ZNF385B: variants seen among roughly 807,000 people sequenced by gnomAD.
ZNF385B encodes zinc finger protein 385B.
ZNF385B carries 23 observed loss-of-function variants against 39.2 expected under a neutral mutation model. The observed-to-expected ratio is 0.59, with a 90% CI of 0.42 to 0.83. ZNF385B has a LOEUF of 0.83. ZNF385B is among the 40% of genes least tolerant of loss of function. ZNF385B has a pLI of 0.00. For synonymous variants in ZNF385B, 205 were observed against 222.6 expected (o/e 0.92, Z 0.70); for missense variants, 552 against 598.9 (o/e 0.92, Z 0.82).
At chr2:179,745,658 T>C in intron 3 of ZNF385B, 5 of 1,441,834 alleles carry the variant, frequency 3.5e-6, no homozygotes, top group Non-Finnish European at 4.7e-6. Flanking sequence ...TACAAAAGAA[T>C]CTGTTACTGA....
intron 6 of ZNF385B, among the ~76,000 whole-genome samples, chr2:179,472,893 T>C (rs938106793): frequency 6.6e-6 from 1 of 152,136 alleles, no homozygotes; most frequent in African/African-American, 2.4e-5. Context: ...ACTATGGCTG[T>C]ACATACAGCA....
At chr2:179,499,116 C>T (rs1048447177) in intron 5 of ZNF385B, among the ~76,000 whole-genome samples, 2 of 151,744 alleles carry the variant, frequency 1.3e-5, no homozygotes, top group African/African-American at 4.8e-5. Context: ...AATGTTGAAC[C>T]AGGAAAAAAT....
chr2:179,799,035 A>G (rs971320971), intron 1 of ZNF385B, among the ~76,000 whole-genome samples: 4 of 151,848 alleles, frequency 2.6e-5, no homozygotes, highest in Non-Finnish European at 5.9e-5. Context: ...TAATCAACAC[A>G]CTCCCATTTC....
At chr2:179,700,784 C>T (rs1173195191) in intron 3 of ZNF385B, among the ~76,000 whole-genome samples, 1 of 152,140 alleles carries the variant, frequency 6.6e-6, no homozygotes, top group African/African-American at 2.4e-5. Flanking sequence ...AAGGCTGAGG[C>T]AGGCGGATCA....
At chr2:179,553,020 TAG>T (rs967645076) in intron 3 of ZNF385B, among the ~76,000 whole-genome samples, 2 of 149,272 alleles carry the variant, frequency 1.3e-5, no homozygotes, top group African/African-American at 5.0e-5. Flanking sequence ...AGTTTGTATG[TAG>T]AGGAGCCAGA....
chr2:179,680,847 A>G (rs769467079), intron 3 of ZNF385B, among the ~76,000 whole-genome samples: 4 of 152,088 alleles, frequency 2.6e-5, no homozygotes, highest in African/African-American at 9.7e-5. Flanking sequence ...CTTTATCTCA[A>G]TACTCAGAAC....
At chr2:179,497,189 CAATA>C (rs1321501315) in intron 5 of ZNF385B, among the ~76,000 whole-genome samples, 1 of 152,116 alleles carries the variant, frequency 6.6e-6, no homozygotes, top group Non-Finnish European at 1.5e-5. Context: ...CATTGATGAA[CAATA>C]AATAATCACG....
chr2:179,474,079 C>T (rs1472529996), intron 6 of ZNF385B, among the ~76,000 whole-genome samples: 4 of 151,476 alleles, frequency 2.6e-5, no homozygotes, highest in African/African-American at 9.7e-5. Context: ...ATTAATATAG[C>T]TTTATATAAG....
intron 3 of ZNF385B, among the ~76,000 whole-genome samples, chr2:179,717,439 A>G (rs1426592848): frequency 1.3e-5 from 2 of 152,204 alleles, no homozygotes; most frequent in Non-Finnish European, 2.9e-5. Flanking sequence ...GAAAGAGAGA[A>G]TAAGAAAGTA....
chr2:179,849,798 T>C (rs1708986447), intron 1 of ZNF385B, among the ~76,000 whole-genome samples: 1 of 152,162 alleles, frequency 6.6e-6, no homozygotes, highest in Non-Finnish European at 1.5e-5. Flanking sequence ...TACAGTCTAG[T>C]GAGAAAAATC....
intron 6 of ZNF385B, among the ~76,000 whole-genome samples, chr2:179,450,324 A>G (rs2049976789): frequency 6.6e-6 from 1 of 152,186 alleles, no homozygotes; most frequent in South Asian, 2.1e-4. Context: ...CAACCTACAG[A>G]ATGGGAGAAA....
At chr2:179,764,486 T>G (rs750168842) in intron 3 of ZNF385B, among the ~76,000 whole-genome samples, 1 of 152,156 alleles carries the variant, frequency 6.6e-6, no homozygotes, top group South Asian at 2.1e-4. Flanking sequence ...TATTATTTGC[T>G]TTCTGTTTTT....
At chr2:179,698,667 G>A (rs779262327) in intron 3 of ZNF385B, among the ~76,000 whole-genome samples, 3 of 152,176 alleles carry the variant, frequency 2.0e-5, no homozygotes, top group Non-Finnish European at 4.4e-5. Context: ...GAGTTGAAAA[G>A]AGGAGTGATC....
chr2:179,582,894 G>A (rs1686692701), intron 3 of ZNF385B, among the ~76,000 whole-genome samples: 1 of 152,156 alleles, frequency 6.6e-6, no homozygotes, highest in African/African-American at 2.4e-5. Flanking sequence ...TTATTGCCCA[G>A]GCTGGAGTGC....
At chr2:179,850,532 T>C (rs1275825738) in intron 1 of ZNF385B, among the ~76,000 whole-genome samples, 1 of 152,198 alleles carries the variant, frequency 6.6e-6, no homozygotes, top group Non-Finnish European at 1.5e-5. Context: ...TGTCCACGTA[T>C]CATCCCTTCA....
chr2:179,678,085 C>A (rs1697098909), intron 3 of ZNF385B, among the ~76,000 whole-genome samples: 2 of 152,058 alleles, frequency 1.3e-5, no homozygotes, highest in South Asian at 4.1e-4. Context: ...TAAAGTCAAA[C>A]TGAATAAGGC....
chr2:179,592,716 T>C (rs1687669994), intron 3 of ZNF385B, among the ~76,000 whole-genome samples: 1 of 152,154 alleles, frequency 6.6e-6, no homozygotes, highest in Admixed American at 6.6e-5. Context: ...ATGTTAATTA[T>C]TAACAAGATT....
At chr2:179,745,784 C>G in intron 3 of ZNF385B, 1 of 1,523,748 alleles carries the variant, frequency 6.6e-7, no homozygotes, top group Non-Finnish European at 8.8e-7. Context: ...GTTGGATAAA[C>G]AAAACTTCCA....
Position 179,758,777 on chromosome 2 carries a change from C to G in ZNF385B, c.298+10726G>C, listed in dbSNP as rs962368275. Among the ~76,000 whole-genome samples, 6 of 152,316 alleles carry G rather than the reference C, an allele frequency of 3.9e-5. No homozygotes were observed. The East Asian group carries it at 5.8e-4, about 15-fold the overall frequency. The stretch of plus-strand genomic sequence containing the variant: ...CTGCCACATGCATGTGTGAAGCCAT[C>G]TAAAACCATCTAAGACAGTTACTCT... On this transcript the variant is annotated intron_variant, in intron 3 of 9. Transcript: ENST00000410066.
Sources: allele counts gnomAD v4.1 joint callset (sites outside exome capture counted in the v4.1 genomes callset), GRCh38; gene constraint gnomAD v4.1.1; transcripts MANE v1.5; gene names NCBI Gene and HGNC (gene_info 2026-07-23, HGNC 2026-07-21).